Variants in LCOR observed in about 807,000 individuals in gnomAD.
The protein encoded by LCOR is ligand-dependent corepressor.
Under a neutral mutation model 64.4 loss-of-function variants are expected in LCOR, and 14 were observed. That is an observed-to-expected ratio of 0.22 (90% confidence interval 0.14 to 0.34). The LOEUF is 0.34. Among genes scored for constraint, LCOR ranks in the 10% least tolerant of loss-of-function variants. The pLI is 1.00. For synonymous variants in LCOR, 643 were observed against 642.5 expected, an observed-to-expected ratio of 1.00 and a Z score of -0.01; for missense variants, 1,686 against 1,765.3, an observed-to-expected ratio of 0.96 and a Z score of 0.80.
intron 7 of LCOR, chr10:96,956,698 A>G (rs765683489): frequency 2.0e-6 from 2 of 985,902 alleles, no homozygotes; most frequent in African/African-American, 1.7e-5. Flanking sequence ...GGTCTCACCA[A>G]CAAGTGAGGA....
chr10:96,967,193 G>A (rs1201185870), intron 7 of LCOR, among the ~76,000 whole-genome samples: 1 of 152,074 alleles, frequency 6.6e-6, no homozygotes, highest in Non-Finnish European at 1.5e-5. Context: ...GCAGTGGTGC[G>A]ATCTCGGCTC....
chr10:96,912,838 A>G (rs1336059311), intron 4 of LCOR, among the ~76,000 whole-genome samples: 2 of 152,124 alleles, frequency 1.3e-5, no homozygotes, highest in Non-Finnish European at 2.9e-5. Flanking sequence ...AATTTCTTCT[A>G]CATTTATGAG....
intron 2 of LCOR, among the ~76,000 whole-genome samples, chr10:96,837,165 TC>T (rs1845457832): frequency 6.6e-6 from 1 of 152,090 alleles, no homozygotes; most frequent in Non-Finnish European, 1.5e-5. Flanking sequence ...TAATTTTTTG[TC>T]TTTTTAGTAG....
intron 4 of LCOR, among the ~76,000 whole-genome samples, chr10:96,940,398 G>A (rs1356106457): frequency 8.0e-6 from 1 of 125,654 alleles, no homozygotes; most frequent in African/African-American, 3.0e-5. Flanking sequence ...CAACAGTGGA[G>A]GGAAGGTCAG....
rs571802030 is a variant in LCOR, at chr10:96,933,447, A to G, written c.-183-10666A>G. ...ACCTTTATTTATATAGAGGAATAAA[A>G]GACAAAAGAACACAAGTCCCTGGTT... On this transcript the variant is annotated intron_variant, in intron 4 of 7. Transcript: ENST00000421806. 2.0e-5 allele frequency among the ~76,000 whole-genome samples: 3 copies of G among 152,382 alleles called. No homozygotes were observed. In the East Asian group the frequency reaches 5.8e-4, roughly 29 times the overall value.
At chr10:96,965,039 C>G (rs1410805156) in intron 7 of LCOR, among the ~76,000 whole-genome samples, 1 of 151,462 alleles carries the variant, frequency 6.6e-6, no homozygotes, top group Non-Finnish European at 1.5e-5. Context: ...GATGGAGTCT[C>G]GCTCTGTCTC....
chr10:96,984,914 C>T lies in LCOR; in HGVS notation c.4454C>T (p.Ser1485Phe), dbSNP rs746854067. Residue 1485 changes from serine (S) to phenylalanine (F), a missense_variant, in exon 8 of 8, where the codon TCT becomes TTT. Coordinates refer to ENST00000421806, the MANE Select transcript of LCOR (RefSeq NM_001346516.2). ...KENTNKRPSQ[S>F]IASETLTKPA... Reference sequence around the variant, plus strand: ...AATACAAACAAAAGGCCTTCCCAGTCTATTGCCTCGGAAACACTGACGAAA... The same window carrying T: ...AATACAAACAAAAGGCCTTCCCAGTTTATTGCCTCGGAAACACTGACGAAA... 3.3e-5 allele frequency: 54 copies of T among 1,613,876 alleles called. No homozygotes were observed. Among genetic ancestry groups the T allele is most frequent in the Middle Eastern group, 3.3e-4 (2 of 6,084 alleles).
intron 7 of LCOR, among the ~76,000 whole-genome samples, chr10:96,977,060 C>G (rs919464241): frequency 3.9e-5 from 6 of 152,214 alleles, no homozygotes; most frequent in Non-Finnish European, 7.4e-5. Context: ...GAAAAGGCAC[C>G]CACTTATTTA....
At chr10:96,858,834 C>T (rs886411552) in intron 2 of LCOR, among the ~76,000 whole-genome samples, 1 of 152,106 alleles carries the variant, frequency 6.6e-6, no homozygotes, top group Non-Finnish European at 1.5e-5. Flanking sequence ...GATTCCAGAA[C>T]CCTGCCTGGC....
intron 4 of LCOR, among the ~76,000 whole-genome samples, chr10:96,914,109 A>C (rs865820341): frequency 6.6e-6 from 1 of 152,200 alleles, no homozygotes; most frequent in African/African-American, 2.4e-5. Flanking sequence ...TCATTGTATC[A>C]GCATATTTTG....
intron 4 of LCOR, among the ~76,000 whole-genome samples, chr10:96,921,500 C>T (rs1847081331): frequency 6.6e-6 from 1 of 152,090 alleles, no homozygotes; most frequent in Non-Finnish European, 1.5e-5. Flanking sequence ...TTCGCTCTAT[C>T]TCCCAGGCTG....
At chr10:96,838,027 C>T (rs960808125) in intron 2 of LCOR, among the ~76,000 whole-genome samples, 3 of 152,196 alleles carry the variant, frequency 2.0e-5, no homozygotes, top group African/African-American at 7.2e-5. Context: ...TCTAGTCTAT[C>T]TGTGTTTATT....
chr10:96,979,067 C>T (rs1848060953), intron 7 of LCOR, among the ~76,000 whole-genome samples: 1 of 152,116 alleles, frequency 6.6e-6, no homozygotes, highest in African/African-American at 2.4e-5. Flanking sequence ...CCACTGTGAC[C>T]CCACTGCTCA....
chr10:96,880,930 T>A (rs1846252090), intron 2 of LCOR, among the ~76,000 whole-genome samples: 1 of 152,226 alleles, frequency 6.6e-6, no homozygotes, highest in Non-Finnish European at 1.5e-5. Flanking sequence ...GAATCAAATA[T>A]AACTAATATT....
chr10:96,984,953 A>C lies in LCOR; in HGVS notation c.4493A>C (p.Lys1498Thr). The part of the protein sequence containing the change: ...SETLTKPAKQ[K>T]GAGESSSRPQ... ...ACACTGACGAAACCTGCAAAACAGAAGGGGGCCGGTGAATCCTCTTCAAGG... is the reference window on the plus strand; with the variant it reads ...ACACTGACGAAACCTGCAAAACAGACGGGGGCCGGTGAATCCTCTTCAAGG... Residue 1498 changes from lysine to threonine, a missense_variant, in exon 8 of 8, where the codon AAG (lysine) becomes ACG (threonine). Lys to Thr is a moderately conservative substitution (Grantham distance 78). Transcript: ENST00000421806. 1 of 1,614,186 alleles carries C rather than the reference A, an allele frequency of 6.2e-7. No homozygotes were observed. The highest frequency in any genetic ancestry group is 1.1e-5 in the South Asian group (1 of 91,086).
At chr10:96,892,139 T>C (rs796838243) in intron 2 of LCOR, among the ~76,000 whole-genome samples, 1 of 152,164 alleles carries the variant, frequency 6.6e-6, no homozygotes, top group Non-Finnish European at 1.5e-5. Context: ...AAGTCTTCTT[T>C]TTCCTTATGT....
At chr10:96,894,656 T>A (rs1589638056) in intron 2 of LCOR, among the ~76,000 whole-genome samples, 1 of 152,226 alleles carries the variant, frequency 6.6e-6, no homozygotes, top group Admixed American at 6.5e-5. Flanking sequence ...TTTTCTAATA[T>A]ATCCTTCAAT....
Position 96,949,126 on chromosome 10 carries a change from C to G in LCOR, c.69C>G (p.Ser23Arg). 1.9e-6 allele frequency: 3 copies of G among 1,614,000 alleles called. No individual in the cohort carries two copies. The highest frequency in any genetic ancestry group is 2.5e-6 in the Non-Finnish European group (3 of 1,179,980). Residue 23 changes from serine (S) to arginine (R), a missense_variant, in exon 6 of 8, where the codon AGC becomes AGG. Around this residue, in one of 3 missense-constraint regions of LCOR, gnomAD observed 80 missense variants for 107.7 expected, o/e 0.74. Coordinates refer to ENST00000421806, the MANE Select transcript of LCOR (RefSeq NM_001346516.2). ...AAAATAGCTCTACTCAGGACCCCAGCCAGCCCAATAGCACAAAGAACCAAA... is the reference window on the plus strand; with the variant it reads ...AAAATAGCTCTACTCAGGACCCCAGGCAGCCCAATAGCACAAAGAACCAAA... The part of the protein sequence containing the change: ...TSKNSSTQDP[S>R]QPNSTKNQSL...
chr10:96,925,606 A>G (rs1393091387), intron 4 of LCOR, among the ~76,000 whole-genome samples: 1 of 151,880 alleles, frequency 6.6e-6, no homozygotes, highest in East Asian at 1.9e-4. Context: ...ATTTTATTTT[A>G]TTTTATTTTT....
Sources: gnomAD v4.1 joint callset for allele counts (sites outside exome capture counted in the v4.1 genomes callset) on GRCh38, gnomAD v4.1.1 for gene constraint, gnomAD v4.1.1 regional missense constraint, MANE v1.5 for transcripts, NCBI Gene and HGNC (gene_info 2026-07-23, HGNC 2026-07-21) for gene names.